Variants in ESR2 observed in about 807,000 individuals in gnomAD.
The protein encoded by ESR2 is estrogen receptor 2.
A neutral mutation model predicts 49.6 loss-of-function variants in ESR2; 36 were observed. That is an observed-to-expected ratio of 0.73 (90% confidence interval 0.56 to 0.96). The LOEUF is 0.96. Among genes scored for constraint, ESR2 ranks in the 40% least tolerant of loss-of-function variants. ESR2 has a pLI of 0.00. For missense variants in ESR2, 714 were observed against 693.0 expected (o/e 1.03, Z -0.34); for synonymous variants, 320 against 266.1 (o/e 1.20, Z -1.97).
intron 7 of ESR2, among the ~76,000 whole-genome samples, chr14:64,242,448 AAAAAT>A (rs1182093264): frequency 1.4e-3 from 198 of 139,500 alleles, no homozygotes; most frequent in African/African-American, 5.2e-3. Context: ...AACAAACAAA[AAAAAT>A]ATATATATAT....
At chr14:64,277,950 A>G (rs373132333) in intron 3 of ESR2, among the ~76,000 whole-genome samples, 1 of 146,154 alleles carries the variant, frequency 6.8e-6, no homozygotes, top group Non-Finnish European at 1.5e-5. Flanking sequence ...AAGATGTTTC[A>G]AGCAGACCAA....
chr14:64,305,169 T>C (rs1315062171), intron 1 of ESR2, among the ~76,000 whole-genome samples: 1 of 150,220 alleles, frequency 6.7e-6, no homozygotes, highest in Non-Finnish European at 1.5e-5. Context: ...CGGGCGCCTG[T>C]AGTCCCAGCT....
At chr14:64,296,953 C>T (rs988924241), upstream of ESR2, among the ~76,000 whole-genome samples, 5 of 152,150 alleles carry the variant, frequency 3.3e-5, no homozygotes, top group African/African-American at 1.2e-4. Flanking sequence ...TCCAATTCTA[C>T]CTGAATTGTG....
At chr14:64,250,641 C>T (rs759362894) in intron 6 of ESR2, among the ~76,000 whole-genome samples, 4 of 152,192 alleles carry the variant, frequency 2.6e-5, no homozygotes, top group African/African-American at 9.6e-5. Flanking sequence ...TGGGTTTATG[C>T]GAGTTCCATT....
intron 4 of ESR2, among the ~76,000 whole-genome samples, chr14:64,261,239 CTTT>C (rs58982771): frequency 7.9e-6 from 1 of 127,106 alleles, no homozygotes; most frequent in Non-Finnish European, 1.6e-5. Context: ...TTTCTTTTTT[CTTT>C]TTTTTTTTTT....
At position 64,249,597 on chromosome 14, in the gene ESR2, G is replaced by T; in HGVS notation, c.1174C>A (p.Leu392Ile). The change falls in exon 7 of 9, where the codon CTC becomes ATC. Residue 392 changes from leucine (L) to isoleucine (I), a missense_variant. By Grantham distance (5) the Leu-to-Ile change is conservative. Coordinates refer to ENST00000341099, the MANE Select transcript of ESR2 (RefSeq NM_001437.3). ...ATTSRFRELKLQHKEYLCVKA... is the reference protein window; with the variant it reads ...ATTSRFRELKIQHKEYLCVKA... ...ACACAGAGATATTCTTTGTGTTGGAGTTTTAACTCTCGAAACCTTGAAGTA... is the reference window on the plus strand; with the variant it reads ...ACACAGAGATATTCTTTGTGTTGGATTTTTAACTCTCGAAACCTTGAAGTA... 6.2e-7 allele frequency: 1 copy of T among 1,614,032 alleles called. No individual in the cohort carries two copies. The highest frequency in any genetic ancestry group is 8.5e-7 in the Non-Finnish European group (1 of 1,179,954).
chr14:64,292,145 C>T (rs1412497604), intron 1 of ESR2, among the ~76,000 whole-genome samples: 1 of 152,064 alleles, frequency 6.6e-6, no homozygotes, highest in Non-Finnish European at 1.5e-5. Context: ...ATTGTCTTTG[C>T]CTTGATTTAT....
At chr14:64,303,045 C>CA (rs2077045832) in intron 1 of ESR2, among the ~76,000 whole-genome samples, 1 of 152,170 alleles carries the variant, frequency 6.6e-6, no homozygotes, top group Admixed American at 6.5e-5. Flanking sequence ...GGTAATCCTC[C>CA]TGCCATGGCC....
At chr14:64,227,349 C>T (rs2098722333), downstream of ESR2, 1 of 664,926 alleles carries the variant, frequency 1.5e-6, no homozygotes, top group South Asian at 2.0e-5. Context: ...TTAGCGTTTA[C>T]AGTTATCAAA....
intron 1 of ESR2, among the ~76,000 whole-genome samples, chr14:64,318,408 A>G (rs1418641498): frequency 6.6e-6 from 1 of 151,700 alleles, no homozygotes; most frequent in African/African-American, 2.4e-5. Context: ...ATGGTGGCAC[A>G]TGCCTGTAAT....
At chr14:64,252,324 C>G (rs1037401456) in intron 6 of ESR2, among the ~76,000 whole-genome samples, 17 of 148,462 alleles carry the variant, frequency 1.1e-4, no homozygotes, top group Admixed American at 6.7e-4. Flanking sequence ...AAAAAAAAAA[C>G]AAAAACAAAA....
At chr14:64,259,127 C>A (rs1310796324) in intron 5 of ESR2, among the ~76,000 whole-genome samples, 1 of 152,224 alleles carries the variant, frequency 6.6e-6, no homozygotes, top group Admixed American at 6.5e-5. Context: ...GAGGAAAGTG[C>A]ATCAGTATTG....
intron 1 of ESR2, among the ~76,000 whole-genome samples, chr14:64,328,178 C>T (rs1197245959): frequency 2.6e-5 from 4 of 151,986 alleles, no homozygotes; most frequent in East Asian, 1.9e-4. Flanking sequence ...GCCGAGATCA[C>T]GCCACTGCAC....
At chr14:64,295,240 A>G (rs1488575436), upstream of ESR2, among the ~76,000 whole-genome samples, 5 of 152,120 alleles carry the variant, frequency 3.3e-5, no homozygotes, top group Admixed American at 3.3e-4. Context: ...TCATCAAACC[A>G]TCTACTCAGG....
chr14:64,329,768 CTAATT>C (rs1478554856), intron 1 of ESR2: 1 of 152,152 alleles, frequency 6.6e-6, no homozygotes, highest in African/African-American at 2.4e-5. Context: ...TATTCTAAGG[CTAATT>C]TAAAGTTTTT....
At chr14:64,291,461 G>C (rs1347413860) in intron 1 of ESR2, among the ~76,000 whole-genome samples, 1 of 152,092 alleles carries the variant, frequency 6.6e-6, no homozygotes, top group East Asian at 1.9e-4. Flanking sequence ...CACTGTAACT[G>C]GGTATGCAAG....
rs1227162635 is a variant in ESR2, at chr14:64,232,997, G to A, written c.*140C>T. ...ACTCCTGAGAGTTGGGAAGGTGGAG[G>A]GAAGGATGGTACATGACCAAGCCTG... On this transcript the variant is annotated 3_prime_UTR_variant, in exon 9 of 9. Transcript: ENST00000341099. 1 of 1,409,666 alleles carries A rather than the reference G, an allele frequency of 7.1e-7. No individual in the cohort carries two copies. Among genetic ancestry groups the A allele is most frequent in the East Asian group, 2.5e-5 (1 of 40,114 alleles). The allele number at this position is 1,409,666 out of a possible 1,614,324, so 87.3% of individuals were successfully genotyped here.
chr14:64,264,502 G>A (rs1304999722), intron 4 of ESR2, among the ~76,000 whole-genome samples: 4 of 152,108 alleles, frequency 2.6e-5, no homozygotes, highest in Non-Finnish European at 4.4e-5. Context: ...TGGGATACAT[G>A]TGCAGAACAT....
At chr14:64,258,586 T>C (rs2076151902) in intron 5 of ESR2, among the ~76,000 whole-genome samples, 1 of 152,202 alleles carries the variant, frequency 6.6e-6, no homozygotes, top group Non-Finnish European at 1.5e-5. Flanking sequence ...ATCATTCTTG[T>C]TTTACAGATG....
Sources: allele counts gnomAD v4.1 joint callset (sites outside exome capture counted in the v4.1 genomes callset), GRCh38; gene constraint gnomAD v4.1.1; transcripts MANE v1.5; gene names NCBI Gene and HGNC (gene_info 2026-07-23, HGNC 2026-07-21).